UTRN: variants seen among roughly 807,000 people sequenced by gnomAD.
UTRN encodes the protein dystrophin-related protein 1.
In UTRN, 283 loss-of-function variants were observed where a neutral mutation model predicts 463.9. That is an observed-to-expected ratio of 0.61 (90% CI 0.55 to 0.67). The LOEUF (loss-of-function observed/expected upper bound fraction) is 0.67, where lower values mean the gene tolerates loss of function less well. UTRN is among the 30% of genes least tolerant of loss of function. The pLI is 0.00. For missense variants in UTRN, 3,922 were observed against 4,084.3 expected, an observed-to-expected ratio of 0.96 and a Z score of 1.08; for synonymous variants, 1,442 against 1,431.5, an observed-to-expected ratio of 1.01 and a Z score of -0.17.
chr6:144,438,817 G>C lies in UTRN; in HGVS notation c.1314G>C (p.Glu438Asp). The change falls in exon 12 of 75, where the codon GAG (glutamate) becomes GAC (aspartate). Residue 438 changes from glutamate (E) to aspartate (D), a missense_variant. By Grantham distance (45) the Glu-to-Asp change is conservative. Transcript: ENST00000367545. ...TCTCCGCCTGGTTAACACTCACAGA[G>C]GAGCGCATTCAGAAGATGGAAACTT... ...QQLSAWLTLT[E>D]ERIQKMETCP... The C allele has an allele frequency of 6.2e-7, 1 of 1,614,192 alleles. No individual in the cohort carries two copies. The highest frequency in any genetic ancestry group is 1.1e-5 in the South Asian group (1 of 91,088).
intron 51 of UTRN, among the ~76,000 whole-genome samples, chr6:144,613,688 T>G: frequency 6.6e-6 from 1 of 151,958 alleles, no homozygotes; most frequent in East Asian, 1.9e-4. Flanking sequence ...CTGATTGTGG[T>G]GGTGGTCCCG....
intron 2 of UTRN, among the ~76,000 whole-genome samples, chr6:144,321,857 G>A (rs370876501): frequency 1.5e-4 from 22 of 151,188 alleles, no homozygotes; most frequent in Non-Finnish European, 1.6e-4. Flanking sequence ...CCTCCGCCTC[G>A]GGTTCAAGCG....
intron 1 of UTRN, among the ~76,000 whole-genome samples, chr6:144,288,760 T>C (rs2114502362): frequency 6.8e-6 from 1 of 147,420 alleles, no homozygotes; most frequent in African/African-American, 2.5e-5. Flanking sequence ...CTCTCTCTTT[T>C]TTTTTTTTTT....
intron 2 of UTRN, among the ~76,000 whole-genome samples, chr6:144,351,136 T>C (rs1778073962): frequency 6.6e-6 from 1 of 152,222 alleles, no homozygotes; most frequent in Non-Finnish European, 1.5e-5. Flanking sequence ...CCCTAACTAT[T>C]CTGCCTCCTG....
chr6:144,626,661 C>T (rs145409137), intron 51 of UTRN, among the ~76,000 whole-genome samples: 4,622 of 152,124 alleles, frequency 0.03, 250 homozygotes, highest in African/African-American at 0.1. Flanking sequence ...TCTTTTGAGA[C>T]GGAGTCTCGC....
In UTRN at chr6:144,753,924, A is replaced by G. The variant is rs556824277; in HGVS notation, c.8356-796A>G. 7.2e-5 allele frequency among the ~76,000 whole-genome samples: 11 copies of G among 152,254 alleles called. No homozygotes were observed. The South Asian group carries it at 2.1e-3, about 29-fold the overall frequency. On this transcript the variant is annotated intron_variant, in intron 56 of 74. Coordinates refer to ENST00000367545, the MANE Select transcript of UTRN (RefSeq NM_007124.3). ...ATATTAAAAAAAATACGAAGAGTAC[A>G]TTAATATGCCTGTACAAACTGAAAT...
intron 54 of UTRN, among the ~76,000 whole-genome samples, chr6:144,740,210 A>G (rs1213438896): frequency 1.3e-5 from 2 of 152,202 alleles, no homozygotes; most frequent in Non-Finnish European, 2.9e-5. Context: ...ACTATCTTAA[A>G]CTACTTCCGT....
At chr6:144,487,005 C>G (rs1428434721) in intron 28 of UTRN, among the ~76,000 whole-genome samples, 1 of 151,948 alleles carries the variant, frequency 6.6e-6, no homozygotes. Flanking sequence ...TAAAACAATG[C>G]CTCTTATTCT....
chr6:144,378,415 A>G (rs972844892), intron 2 of UTRN, among the ~76,000 whole-genome samples: 10 of 152,216 alleles, frequency 6.6e-5, no homozygotes, highest in Admixed American at 3.3e-4. Flanking sequence ...ATGTAATCAA[A>G]TTAAGATAAG....
intron 2 of UTRN, among the ~76,000 whole-genome samples, chr6:144,307,817 G>T (rs1296589412): frequency 7.0e-6 from 1 of 143,424 alleles, no homozygotes; most frequent in Non-Finnish European, 1.5e-5. Context: ...GTCTGCCTCA[G>T]TTTTTTTTTT....
chr6:144,422,100 A>C, intron 4 of UTRN, 130 bp downstream of exon 4: 1 of 671,554 alleles, frequency 1.5e-6, no homozygotes, highest in Non-Finnish European at 2.3e-6. Context: ...TGAAATTCGG[A>C]ACATTTTTAA....
chr6:144,710,569 A>G (rs981867081), intron 53 of UTRN, among the ~76,000 whole-genome samples: 1 of 152,228 alleles, frequency 6.6e-6, no homozygotes, highest in East Asian at 1.9e-4. Flanking sequence ...TCAGTGTCTC[A>G]GAACATTGAT....
At chr6:144,470,698 C>T (rs1211465924) in intron 23 of UTRN, among the ~76,000 whole-genome samples, 5 of 151,940 alleles carry the variant, frequency 3.3e-5, no homozygotes, top group African/African-American at 7.3e-5. Context: ...GAGGTTGTAG[C>T]GAGCCGAGAT....
At chr6:144,479,716 G>A in intron 25 of UTRN, 96 bp from the exon 26 acceptor site, 3 of 1,418,266 alleles carry the variant, frequency 2.1e-6, no homozygotes. Flanking sequence ...ATTCGTTGTG[G>A]AAAGTTATTA....
Position 144,445,254 on chromosome 6 carries a change from G to A in UTRN, c.1614+872G>A, listed in dbSNP as rs113504518. ...TAATCCCAGCTACTCAGGAGGCTGA[G>A]GCAGGAGAATTGCTGGAACCCAGGA... On this transcript the variant is annotated intron_variant, in intron 14 of 74. Coordinates refer to ENST00000367545, the MANE Select transcript of UTRN (RefSeq NM_007124.3). 3.1e-3 allele frequency among the ~76,000 whole-genome samples: 470 copies of A among 151,208 alleles called. 2 individuals are homozygous for A. The highest frequency in any genetic ancestry group is 0.011 in the African/African-American group (440 of 41,204).
chr6:144,594,265 A>G (rs1803416465), intron 51 of UTRN, among the ~76,000 whole-genome samples: 1 of 147,426 alleles, frequency 6.8e-6, no homozygotes, highest in Admixed American at 7.0e-5. Flanking sequence ...AAAGTGCTTT[A>G]ATATATTTTT....
chr6:144,348,408 G>T (rs1777791911), intron 2 of UTRN, among the ~76,000 whole-genome samples: 1 of 152,200 alleles, frequency 6.6e-6, no homozygotes, highest in Non-Finnish European at 1.5e-5. Context: ...GTTAGGGATT[G>T]CCAGACCCAC....
chr6:144,844,517 C>T (rs1352808274), intron 73 of UTRN, among the ~76,000 whole-genome samples: 1 of 152,190 alleles, frequency 6.6e-6, no homozygotes, highest in African/African-American at 2.4e-5. Flanking sequence ...GACCCACCCA[C>T]CCTGGCCTCC....
At chr6:144,833,079 C>T (rs1310434457) in intron 69 of UTRN, among the ~76,000 whole-genome samples, 1 of 152,204 alleles carries the variant, frequency 6.6e-6, no homozygotes, top group African/African-American at 2.4e-5. Context: ...CTCGACCTCC[C>T]AAAGTGCTGG....
Sources: allele counts gnomAD v4.1 joint callset (sites outside exome capture counted in the v4.1 genomes callset), GRCh38; gene constraint gnomAD v4.1.1; transcripts MANE v1.5; gene names NCBI Gene and HGNC (gene_info 2026-07-23, HGNC 2026-07-21).